The following RGL1 variants were observed in gnomAD, a reference collection of about 807,000 sequenced individuals.
The protein encoded by RGL1 is ral guanine nucleotide dissociation stimulator-like 1.
A neutral mutation model predicts 95.2 loss-of-function variants in RGL1; 24 were observed. That is an observed-to-expected ratio of 0.25 (90% CI 0.18 to 0.35). The LOEUF is 0.35. RGL1 is among the 10% of genes least tolerant of loss of function. The pLI is 1.00. For synonymous variants in RGL1, 329 were observed against 344.9 expected (o/e 0.95, Z 0.51); for missense variants, 715 against 936.3 (o/e 0.76, Z 3.08).
chr1:183,790,219 G>A (rs1004752500), intron 2 of RGL1, among the ~76,000 whole-genome samples: 5 of 152,066 alleles, frequency 3.3e-5, no homozygotes, highest in African/African-American at 7.2e-5. Flanking sequence ...GAGCCACTGT[G>A]CCTGGGCTCC....
At chr1:183,887,619 T>C (rs1667195077) in intron 7 of RGL1, among the ~76,000 whole-genome samples, 1 of 152,150 alleles carries the variant, frequency 6.6e-6, no homozygotes, top group African/African-American at 2.4e-5. Context: ...ACCTTCCCCA[T>C]GCCAGCCAAG....
chr1:183,759,929 C>T (rs538368917), intron 2 of RGL1, among the ~76,000 whole-genome samples: 1 of 152,360 alleles, frequency 6.6e-6, no homozygotes, highest in East Asian at 1.9e-4. Context: ...TAGTGACCCT[C>T]CTGTGTGGTA....
chr1:183,678,635 C>T (rs1371143362), intron 1 of RGL1, among the ~76,000 whole-genome samples: 1 of 151,406 alleles, frequency 6.6e-6, no homozygotes, highest in Non-Finnish European at 1.5e-5. Flanking sequence ...CAGGGTCTTC[C>T]TCTGTCGCCA....
intron 1 of RGL1, among the ~76,000 whole-genome samples, chr1:183,645,666 G>A (rs946730507): frequency 1.3e-5 from 2 of 152,220 alleles, no homozygotes; most frequent in African/African-American, 4.8e-5. Context: ...TCACTGCACT[G>A]CAGGATCTCA....
intron 5 of RGL1, among the ~76,000 whole-genome samples, chr1:183,882,608 C>T (rs1455829506): frequency 2.0e-5 from 3 of 152,180 alleles, no homozygotes; most frequent in Admixed American, 6.5e-5. Flanking sequence ...TCCCCTTCTA[C>T]GTTTTTCAGT....
intron 1 of RGL1, among the ~76,000 whole-genome samples, chr1:183,683,175 G>A (rs746113725): frequency 2.0e-5 from 3 of 151,980 alleles, no homozygotes; most frequent in Admixed American, 6.6e-5. Flanking sequence ...TTACATTTAC[G>A]GTTAATATTG....
chr1:183,672,569 C>T (rs1344495783), intron 1 of RGL1, among the ~76,000 whole-genome samples: 1 of 152,176 alleles, frequency 6.6e-6, no homozygotes, highest in East Asian at 1.9e-4. Flanking sequence ...ATCTAGTTCT[C>T]CACTTCTTTC....
chr1:183,806,368 C>T lies in RGL1; in HGVS notation c.28-7C>T, dbSNP rs772552144. The T allele has an allele frequency of 9.3e-6, 15 of 1,608,666 alleles. No homozygotes were observed. Among genetic ancestry groups the T allele is most frequent in the Non-Finnish European group, 1.3e-5 (15 of 1,175,420 alleles). ...CTTTTTCTTTCTCTTTATCCCGTCC[C>T]TGGCAGAGCTCGATTCAGGACTGGG... On this transcript the variant is annotated splice_region_variant and splice_polypyrimidine_tract_variant and intron_variant, in intron 1 of 17. Coordinates refer to ENST00000360851, the MANE Select transcript of RGL1 (RefSeq NM_001297671.3).
chr1:183,661,463 G>A (rs12022337), intron 1 of RGL1, among the ~76,000 whole-genome samples: 12,273 of 151,866 alleles, frequency 0.081, 971 homozygotes, highest in African/African-American at 0.21. Flanking sequence ...TCTAGAAGAA[G>A]TGGATAAATT....
At chr1:183,636,807 G>C (rs945839033) in intron 1 of RGL1, among the ~76,000 whole-genome samples, 19 of 152,194 alleles carry the variant, frequency 1.2e-4, no homozygotes, top group Admixed American at 1.2e-3. Context: ...TGGAATGTAG[G>C]AGATAAAGGC....
intron 15 of RGL1, among the ~76,000 whole-genome samples, chr1:183,913,735 A>C (rs1433419079): frequency 1.2e-4 from 19 of 152,174 alleles, no homozygotes; most frequent in Admixed American, 1.2e-3. Context: ...GTTGCTTCAC[A>C]TGGTGTTAAA....
intron 1 of RGL1, among the ~76,000 whole-genome samples, chr1:183,726,838 A>C (rs1052598932): frequency 3.9e-5 from 6 of 152,108 alleles, no homozygotes; most frequent in African/African-American, 1.4e-4. Flanking sequence ...CAAATCCAAA[A>C]ATTTGAAGTC....
intron 2 of RGL1, among the ~76,000 whole-genome samples, chr1:183,779,211 CCTTCCTTCCTTCCT>C (rs1659768065): frequency 2.0e-5 from 3 of 148,612 alleles, no homozygotes; most frequent in African/African-American, 7.4e-5. Flanking sequence ...TTCCTTCCTT[CCTTCCTTCCTTCCT>C]TCCCTCCCTC....
Position 183,805,259 on chromosome 1 carries a change from G to T in RGL1, c.-39G>T, listed in dbSNP as rs748160410. ...CATTGCGTTGGCCTCCGAGCAGGGC[G>T]CATCATGCAGCGTTCGCGCACCGGA... On this transcript the variant is annotated 5_prime_UTR_variant, in exon 1 of 18. Coordinates refer to ENST00000360851, the MANE Select transcript of RGL1 (RefSeq NM_001297671.3). 6.8e-6 allele frequency: 11 copies of T among 1,608,436 alleles called. No homozygotes were observed. The East Asian group carries it at 2.5e-4, about 36-fold the overall frequency.
At chr1:183,668,540 C>A (rs952769719) in intron 1 of RGL1, among the ~76,000 whole-genome samples, 5 of 152,112 alleles carry the variant, frequency 3.3e-5, no homozygotes, top group African/African-American at 1.2e-4. Flanking sequence ...TGGCCTCAAG[C>A]AATTCTACCA....
At chr1:183,802,411 AT>A (rs1448883623), upstream of RGL1, among the ~76,000 whole-genome samples, 2 of 152,120 alleles carry the variant, frequency 1.3e-5, no homozygotes, top group African/African-American at 4.8e-5. Flanking sequence ...GATTGCTTTG[AT>A]TATTCAGGAT....
chr1:183,805,216 G>C lies in RGL1; in HGVS notation c.-82G>C, dbSNP rs1228576622. 3 of 1,568,174 alleles carry C rather than the reference G, an allele frequency of 1.9e-6. No homozygotes were observed. The East Asian group carries it at 7.1e-5, about 37-fold the overall frequency. On this transcript the variant is annotated 5_prime_UTR_variant, in exon 1 of 18. Transcript: ENST00000360851. ...GACCGGGACCGGGGCGAGGCGCCGCGGGGCTGAGCCCAGCAGACATTGCGT... is the reference window on the plus strand; with the variant it reads ...GACCGGGACCGGGGCGAGGCGCCGCCGGGCTGAGCCCAGCAGACATTGCGT...
rs112653073 is a variant in RGL1, at chr1:183,815,381, A to G, written c.138+8896A>G. Among the ~76,000 whole-genome samples, 394 of 152,358 alleles carry G rather than the reference A, an allele frequency of 2.6e-3. 6 individuals carry two copies. The highest frequency in any genetic ancestry group is 8.8e-3 in the African/African-American group (364 of 41,584). ...GAAGCATTTGGTTAGTTTGTGAAGC[A>G]CAGGGAAAAGACTTGCCACTTTCTG... On this transcript the variant is annotated intron_variant, in intron 2 of 17. Transcript: ENST00000360851.
At chr1:183,821,404 A>G (rs1448164395) in intron 2 of RGL1, among the ~76,000 whole-genome samples, 2 of 152,240 alleles carry the variant, frequency 1.3e-5, no homozygotes, top group Non-Finnish European at 2.9e-5. Context: ...TGTTTAAAGT[A>G]TGCATGTGTG....
Sources: gnomAD v4.1 joint callset for allele counts (sites outside exome capture counted in the v4.1 genomes callset) on GRCh38, gnomAD v4.1.1 for gene constraint, MANE v1.5 for transcripts, NCBI Gene and HGNC (gene_info 2026-07-23, HGNC 2026-07-21) for gene names.